Variants in IGF1 observed in about 807,000 individuals in gnomAD.
IGF1 encodes the protein insulin-like growth factor 1.
In IGF1, 4 loss-of-function variants were observed where a neutral mutation model predicts 13.8. The ratio of observed to expected loss-of-function variants is 0.29; its 90% confidence interval spans 0.14 to 0.66. IGF1 has a LOEUF of 0.66. Among genes scored for constraint, IGF1 ranks in the 30% least tolerant of loss-of-function variants. IGF1 has a pLI of 0.78. For synonymous variants in IGF1, 76 were observed against 72.6 expected, an observed-to-expected ratio of 1.05 and a Z score of -0.23; for missense variants, 124 against 188.5, an observed-to-expected ratio of 0.66 and a Z score of 2.00.
intron 2 of IGF1, among the ~76,000 whole-genome samples, chr12:102,434,395 C>T (rs757775405): frequency 4.7e-5 from 7 of 149,632 alleles, no homozygotes; most frequent in East Asian, 2.0e-4. Context: ...TGAGAACATG[C>T]GGTGTTTGGT....
At chr12:102,428,925 A>G (rs1458048806) in intron 2 of IGF1, among the ~76,000 whole-genome samples, 2 of 152,230 alleles carry the variant, frequency 1.3e-5, no homozygotes, top group African/African-American at 4.8e-5. Flanking sequence ...GATAGTATGA[A>G]TGGGCTTCCA....
intron 1 of IGF1, among the ~76,000 whole-genome samples, chr12:102,478,893 G>T (rs1171371993): frequency 6.6e-6 from 1 of 152,136 alleles, no homozygotes; most frequent in Non-Finnish European, 1.5e-5. Flanking sequence ...CCTCTGGGCA[G>T]GACACCTTTA....
At chr12:102,406,490 A>G (rs973862574) in intron 3 of IGF1, among the ~76,000 whole-genome samples, 7 of 152,228 alleles carry the variant, frequency 4.6e-5, no homozygotes, top group African/African-American at 1.4e-4. Flanking sequence ...AAAGGAAAAC[A>G]GTAGTGAGTA....
At chr12:102,457,259 A>C (rs1592812375) in intron 2 of IGF1, among the ~76,000 whole-genome samples, 2 of 152,238 alleles carry the variant, frequency 1.3e-5, no homozygotes, top group East Asian at 3.8e-4. Context: ...TTTATTAACA[A>C]AACTCTGTTT....
At chr12:102,444,416 G>A (rs1338219702) in intron 2 of IGF1, among the ~76,000 whole-genome samples, 4 of 151,864 alleles carry the variant, frequency 2.6e-5, no homozygotes, top group African/African-American at 9.7e-5. Context: ...GGAGAGTTAG[G>A]ATCAGGAAAT....
intron 2 of IGF1, among the ~76,000 whole-genome samples, chr12:102,474,977 A>T (rs1349385431): frequency 6.6e-6 from 1 of 152,194 alleles, no homozygotes; most frequent in Non-Finnish European, 1.5e-5. Flanking sequence ...TGGTGATATC[A>T]TTGATGGGTC....
chr12:102,419,791 A>G, intron 2 of IGF1, 101 bp from the exon 3 acceptor site: 1 of 1,122,630 alleles, frequency 8.9e-7, no homozygotes, highest in Middle Eastern at 2.0e-4. Context: ...CAACCTACAT[A>G]TTCTGCAATG....
chr12:102,444,554 A>G (rs968267782), intron 2 of IGF1, among the ~76,000 whole-genome samples: 7 of 152,106 alleles, frequency 4.6e-5, no homozygotes, highest in South Asian at 2.1e-4. Context: ...ACTATGTGCC[A>G]GGAATACTCT....
chr12:102,434,206 A>G (rs1201896128), intron 2 of IGF1, among the ~76,000 whole-genome samples: 3 of 148,234 alleles, frequency 2.0e-5, no homozygotes, highest in Non-Finnish European at 4.5e-5. Context: ...TGTGCAGGTT[A>G]GTTACATATG....
intron 3 of IGF1, among the ~76,000 whole-genome samples, chr12:102,412,832 T>G (rs1478984560): frequency 6.6e-6 from 1 of 152,208 alleles, no homozygotes; most frequent in African/African-American, 2.4e-5. Flanking sequence ...CTTCTGGAAT[T>G]TAAACATACG....
Position 102,396,829 on chromosome 12 carries a change from C to CT in IGF1, c.*5677_*5678insA. The CT allele has an allele frequency of 2.5e-6, 1 of 397,124 alleles. No homozygotes were observed. The highest frequency in any genetic ancestry group is 3.6e-5 in the East Asian group (1 of 28,072). The allele number at this position is 397,124 out of a possible 1,614,324, so 24.6% of individuals were successfully genotyped here. A position where few individuals can be genotyped will look rare whatever the true frequency, so the allele number is the denominator to read the frequency against. On this transcript the variant is annotated 3_prime_UTR_variant, in exon 4 of 4. Coordinates refer to ENST00000337514, the MANE Select transcript of IGF1 (RefSeq NM_000618.5). Reference sequence around the variant, plus strand: ...TTTAAAAAAGCTTGGATTTTTTTCCCCTTGAAAGACCCCATCAAAGATAGT... The same window carrying CT: ...TTTAAAAAAGCTTGGATTTTTTTCCCTCTTGAAAGACCCCATCAAAGATAGT...
At chr12:102,472,557 G>T (rs771868958) in intron 2 of IGF1, among the ~76,000 whole-genome samples, 1 of 152,120 alleles carries the variant, frequency 6.6e-6, no homozygotes, top group South Asian at 2.1e-4. Context: ...TTCCAAAATG[G>T]ATTTGAAGCA....
At chr12:102,408,407 C>T (rs1201710004) in intron 3 of IGF1, among the ~76,000 whole-genome samples, 1 of 152,094 alleles carries the variant, frequency 6.6e-6, no homozygotes, top group Admixed American at 6.5e-5. Context: ...GAGGGTCATG[C>T]GATCTACTCA....
chr12:102,416,025 C>T lies in IGF1; in HGVS notation c.402+3484G>A, dbSNP rs200976589. 9.2e-5 allele frequency among the ~76,000 whole-genome samples: 14 copies of T among 152,194 alleles called. No homozygotes were observed. The East Asian group carries it at 2.5e-3, about 27-fold the overall frequency. ...TCGACCTTTTCCTCCTGGATTGAGC[C>T]GTGAACATGTCCATCATATTTAAGT... is the stretch of plus-strand genomic sequence containing the variant. On this transcript the variant is annotated intron_variant, in intron 3 of 3. Coordinates refer to ENST00000337514, the MANE Select transcript of IGF1 (RefSeq NM_000618.5).
intron 3 of IGF1, among the ~76,000 whole-genome samples, chr12:102,410,794 T>G (rs778265719): frequency 6.6e-6 from 1 of 152,212 alleles, no homozygotes; most frequent in Admixed American, 6.5e-5. Flanking sequence ...GTGTTCTGAA[T>G]TTTCCTCCTC....
In IGF1 at chr12:102,396,566, G is replaced by GT. The variant is rs1873200924; in HGVS notation, c.*5940dup. 7.6e-6 allele frequency: 2 copies of GT among 263,258 alleles called. No individual in the cohort carries two copies. 16.3% of individuals were successfully genotyped at this position (263,258 alleles called of 1,614,324 possible). ...GGCTTGAAAGGGATTTTAGAGCTCT[G>GT]TTTTTATTTTTCCTACTTTACATCA... On this transcript the variant is annotated 3_prime_UTR_variant, in exon 4 of 4. Transcript: ENST00000337514.
intron 2 of IGF1, among the ~76,000 whole-genome samples, chr12:102,474,200 G>A (rs1646797376): frequency 6.6e-6 from 1 of 152,130 alleles, no homozygotes; most frequent in Non-Finnish European, 1.5e-5. Flanking sequence ...ATATTTTAAA[G>A]GTAAAACAAG....
At chr12:102,443,500 G>C (rs1565986152) in intron 2 of IGF1, among the ~76,000 whole-genome samples, 1 of 152,202 alleles carries the variant, frequency 6.6e-6, no homozygotes, top group East Asian at 1.9e-4. Context: ...ACAGCAGATG[G>C]TTCAGCAGCC....
intron 3 of IGF1, among the ~76,000 whole-genome samples, chr12:102,412,390 G>GCA (rs545047218): frequency 1.2e-4 from 18 of 151,490 alleles, no homozygotes; most frequent in African/African-American, 2.4e-5. Context: ...ACACAAAGGT[G>GCA]CACACACACA....
Sources: gnomAD v4.1 joint callset for allele counts (sites outside exome capture counted in the v4.1 genomes callset) on GRCh38, gnomAD v4.1.1 for gene constraint, MANE v1.5 for transcripts, NCBI Gene and HGNC (gene_info 2026-07-23, HGNC 2026-07-21) for gene names.